Variants in NARF observed in about 807,000 individuals in gnomAD.
The protein encoded by NARF is nuclear prelamin A recognition factor.
In NARF, 41 loss-of-function variants were observed where a neutral mutation model predicts 48.0. The observed-to-expected ratio is 0.85, with a 90% CI of 0.66 to 1.11. The LOEUF (loss-of-function observed/expected upper bound fraction) is 1.11. Among genes scored for constraint, NARF ranks in the 50% least tolerant of loss-of-function variants. NARF has a pLI of 0.00. For synonymous variants in NARF, 215 were observed against 225.5 expected (o/e 0.95, Z 0.42); for missense variants, 613 against 590.2 (o/e 1.04, Z -0.40).
intron 4 of NARF, among the ~76,000 whole-genome samples, chr17:82,470,583 C>T (rs2043675521): frequency 6.6e-6 from 1 of 152,122 alleles, no homozygotes; most frequent in Admixed American, 6.5e-5. Context: ...CAAGCTCCAC[C>T]TCCCGGGTTC....
intron 3 of NARF, among the ~76,000 whole-genome samples, chr17:82,465,781 G>T (rs1044423044): frequency 4.6e-5 from 7 of 152,132 alleles, no homozygotes; most frequent in African/African-American, 1.4e-4. Flanking sequence ...GCCCAGGCTG[G>T]TCCTGAACTC....
intron 6 of NARF, chr17:82,480,694 G>A (rs2043942525): frequency 2.3e-6 from 1 of 442,462 alleles, no homozygotes; most frequent in East Asian, 3.3e-5. Flanking sequence ...GTACTTTGGA[G>A]GCCGAGGCGG....
chr17:82,473,516 TTTC>T (rs2043764683), intron 5 of NARF, among the ~76,000 whole-genome samples: 1 of 151,458 alleles, frequency 6.6e-6, no homozygotes, highest in African/African-American at 2.4e-5. Flanking sequence ...ACCCGGCTAA[TTTC>T]TTTTTGTATT....
chr17:82,468,759 T>C lies in NARF; in HGVS notation c.253-5T>C, dbSNP rs2306752. On this transcript the variant is annotated splice_region_variant and splice_polypyrimidine_tract_variant and intron_variant, in intron 3 of 10. Transcript: ENST00000309794. ...ATACCTAACATTCTCTATTTCTCCT[T>C]CTAGAAATGTGATACCTCAAAGCAC... 0.071 allele frequency: 114,418 copies of C among 1,612,776 alleles called. 4,496 individuals carry two copies. The highest frequency in any genetic ancestry group is 0.14 in the East Asian group (6,069 of 44,872).
chr17:82,465,420 G>A (rs2043542109), intron 3 of NARF, among the ~76,000 whole-genome samples: 1 of 152,158 alleles, frequency 6.6e-6, no homozygotes, highest in African/African-American at 2.4e-5. Flanking sequence ...GGGTGTAGGA[G>A]CCCATTCACA....
At position 82,488,031 on chromosome 17, in the gene NARF, T is replaced by A; in HGVS notation, c.1245T>A (p.Ser415Arg). 1 of 1,614,172 alleles carries A rather than the reference T, an allele frequency of 6.2e-7. No individual in the cohort carries two copies. Among genetic ancestry groups the A allele is most frequent in the Non-Finnish European group, 8.5e-7 (1 of 1,180,040 alleles). Residue 415 changes from serine to arginine, a missense_variant, in exon 11 of 11, where the codon AGT becomes AGA. Coordinates refer to ENST00000309794, the MANE Select transcript of NARF (RefSeq NM_012336.4). The part of the protein sequence containing the change: ...ADIPVRRPES[S>R]AHVQELYQEW... Reference sequence around the variant, plus strand: ...TCCCTGTGCGGCGTCCGGAGTCCAGTGCACACGTGCAGGAGCTGTACCAGG... The same window carrying A: ...TCCCTGTGCGGCGTCCGGAGTCCAGAGCACACGTGCAGGAGCTGTACCAGG...
rs886678237 is a variant in NARF, at chr17:82,485,100, A to C, written c.971+150A>C. On this transcript the variant is annotated intron_variant, in intron 9 of 10. Coordinates refer to ENST00000309794, the MANE Select transcript of NARF (RefSeq NM_012336.4). ...TTTTTTGTGTTTATTCAGACCTTTT[A>C]TTTTGCTGACATTCCAAACTTACAT... 73 of 1,093,156 alleles carry C rather than the reference A, an allele frequency of 6.7e-5. No homozygotes were observed. In the African/African-American group the frequency reaches 1.1e-3, roughly 16 times the overall value. The allele number at this position is 1,093,156 out of a possible 1,614,324, so 67.7% of individuals were successfully genotyped here. A position where few individuals can be genotyped will look rare whatever the true frequency, so the allele number is the denominator to read the frequency against.
At chr17:82,466,880 T>A (rs912929644) in intron 3 of NARF, among the ~76,000 whole-genome samples, 1 of 151,514 alleles carries the variant, frequency 6.6e-6, no homozygotes, top group African/African-American at 2.4e-5. Flanking sequence ...TTTCTTTTTT[T>A]TCGGCCTTCA....
rs116422924 is a variant in NARF, at chr17:82,487,686, C to T, written c.1130-230C>T. On this transcript the variant is annotated intron_variant, in intron 10 of 10. Coordinates refer to ENST00000309794, the MANE Select transcript of NARF (RefSeq NM_012336.4). Reference sequence around the variant, plus strand: ...TCCTTAAGACTATCCCGGCTGGGTGCGGTGGCTCACGCCAGTGGTCCCAGC... The same window carrying T: ...TCCTTAAGACTATCCCGGCTGGGTGTGGTGGCTCACGCCAGTGGTCCCAGC... 6.7e-3 allele frequency among the ~76,000 whole-genome samples: 1,026 copies of T among 152,250 alleles called. 14 individuals are homozygous for T. The highest frequency in any genetic ancestry group is 0.023 in the African/African-American group (955 of 41,548).
intron 5 of NARF, among the ~76,000 whole-genome samples, chr17:82,475,993 T>C (rs2043823955): frequency 6.6e-6 from 1 of 152,172 alleles, no homozygotes; most frequent in Non-Finnish European, 1.5e-5. Flanking sequence ...GTCAAGACTT[T>C]TTTTTATTTT....
intron 3 of NARF, among the ~76,000 whole-genome samples, chr17:82,466,075 T>C (rs570808557): frequency 6.6e-6 from 1 of 152,326 alleles, no homozygotes; most frequent in Non-Finnish European, 1.5e-5. Flanking sequence ...CCTTGGCCTT[T>C]CAGGGAACAG....
At chr17:82,483,804 C>G (rs975105679) in intron 8 of NARF, 25 bp downstream of exon 8, 2 of 1,610,280 alleles carry the variant, frequency 1.2e-6, no homozygotes, top group Non-Finnish European at 1.7e-6. Flanking sequence ...TGGGGAGAGT[C>G]CTCTGGGGGG....
At position 82,470,588 on chromosome 17, in the gene NARF, G is replaced by A. The variant is rs965587983; in HGVS notation, c.385+1692G>A. ...CGGCTCACTGCAAGCTCCACCTCCC[G>A]GGTTCACACCATTCTCCTGCCTCAG... On this transcript the variant is annotated intron_variant, in intron 4 of 10. Coordinates refer to ENST00000309794, the MANE Select transcript of NARF (RefSeq NM_012336.4). Among the ~76,000 whole-genome samples, 7 of 152,084 alleles carry A rather than the reference G, an allele frequency of 4.6e-5. No individual in the cohort carries two copies. In the East Asian group the frequency reaches 9.7e-4, roughly 21 times the overall value.
At chr17:82,467,037 C>T (rs142364616) in intron 3 of NARF, among the ~76,000 whole-genome samples, 251 of 149,494 alleles carry the variant, frequency 1.7e-3, no homozygotes, top group Middle Eastern at 0.014. Context: ...CACCCTTGTA[C>T]TGCGTGTCTA....
chr17:82,481,108 C>T lies in NARF; in HGVS notation c.666C>T (p.His222=), dbSNP rs73999949. The T allele has an allele frequency of 3.8e-4, 612 of 1,614,078 alleles. 4 individuals are homozygous for T. In the African/African-American group the frequency reaches 6.6e-3, roughly 17 times the overall value. The change falls in exon 7 of 11, where the codon CAC becomes CAT. Residue 222 remains histidine (H), a synonymous_variant. Transcript: ENST00000309794. ...QQNLSPEKIF[H]VIVAPCYDKK... ...ACCTGTCTCCAGAGAAGATTTTCCA[C>T]GTCATTGTGGCCCCTTGTTATGACA... is the stretch of plus-strand genomic sequence containing the variant.
At chr17:82,461,572 C>T (rs1015546546) in intron 2 of NARF, among the ~76,000 whole-genome samples, 1 of 152,214 alleles carries the variant, frequency 6.6e-6, no homozygotes, top group Non-Finnish European at 1.5e-5. Flanking sequence ...GATCACGCCA[C>T]TGCACTCCAG....
intron 6 of NARF, chr17:82,480,622 A>C (rs544008618): frequency 9.6e-6 from 4 of 418,120 alleles, no homozygotes; most frequent in African/African-American, 8.2e-5. Context: ...GACCCACAAC[A>C]GTCCCAGCCC....
intron 4 of NARF, among the ~76,000 whole-genome samples, chr17:82,470,442 G>A (rs2043672492): frequency 6.6e-6 from 1 of 152,122 alleles, no homozygotes; most frequent in Non-Finnish European, 1.5e-5. Context: ...TCAATAAAAT[G>A]TATCCACAGT....
chr17:82,487,719 A>G (rs2044127397), intron 10 of NARF, among the ~76,000 whole-genome samples, 197 bp from the exon 11 acceptor site: 1 of 152,188 alleles, frequency 6.6e-6, no homozygotes, highest in African/African-American at 2.4e-5. Context: ...AGCTCGAAGT[A>G]GGATTGCCGC....
Sources: gnomAD v4.1 joint callset for allele counts (sites outside exome capture counted in the v4.1 genomes callset) on GRCh38, gnomAD v4.1.1 for gene constraint, MANE v1.5 for transcripts, NCBI Gene and HGNC (gene_info 2026-07-23, HGNC 2026-07-21) for gene names.